Variants in PLEK observed in about 807,000 individuals in gnomAD.
The protein encoded by PLEK is platelet 47 kDa protein.
PLEK carries 25 observed loss-of-function variants against 43.9 expected under a neutral mutation model. The observed-to-expected ratio is 0.57, with a 90% CI of 0.41 to 0.79. The LOEUF (loss-of-function observed/expected upper bound fraction) is 0.79, where lower values mean the gene tolerates loss of function less well. PLEK is among the 30% of genes least tolerant of loss of function. PLEK has a pLI of 0.00. For synonymous variants in PLEK, 152 were observed against 144.4 expected (o/e 1.05, Z -0.38); for missense variants, 396 against 413.3 (o/e 0.96, Z 0.36).
intron 4 of PLEK, among the ~76,000 whole-genome samples, chr2:68,385,360 GACCAGAAGATTGCTTA>G (rs1213359996): frequency 3.9e-5 from 6 of 152,098 alleles, no homozygotes; most frequent in Non-Finnish European, 8.8e-5. Flanking sequence ...ATCATCTCTT[GACCAGAAGATTGCTTA>G]AATGACTTCT....
intron 7 of PLEK, 96 bp from the exon 8 acceptor site, chr2:68,394,011 C>A: frequency 1.3e-6 from 1 of 797,608 alleles, no homozygotes; most frequent in Non-Finnish European, 2.2e-6. Context: ...GGGCCCTGAT[C>A]TATATTAGAG....
chr2:68,370,167 G>A (rs1398636703), intron 1 of PLEK, among the ~76,000 whole-genome samples: 1 of 152,232 alleles, frequency 6.6e-6, no homozygotes, highest in Admixed American at 6.5e-5. Context: ...ATGCAGTTTT[G>A]ATCACAGTGT....
chr2:68,388,747 G>C lies in PLEK; in HGVS notation c.762+256G>C, dbSNP rs568257997. Among the ~76,000 whole-genome samples, 3 of 151,804 alleles carry C rather than the reference G, an allele frequency of 2.0e-5. No homozygotes were observed. The East Asian group carries it at 5.8e-4, about 29-fold the overall frequency. ...TCAATATCATAGGAAAAAAAAAGGT[G>C]TTTCAAGAAAAATATGGCCGGAGGA... is the stretch of plus-strand genomic sequence containing the variant. On this transcript the variant is annotated intron_variant, in intron 6 of 8. Coordinates refer to ENST00000234313, the MANE Select transcript of PLEK (RefSeq NM_002664.3).
intron 6 of PLEK, among the ~76,000 whole-genome samples, chr2:68,389,558 C>A (rs1673818640): frequency 6.6e-6 from 1 of 152,124 alleles, no homozygotes; most frequent in Non-Finnish European, 1.5e-5. Context: ...GCTGGGATAG[C>A]TGAAAGGAGG....
chr2:68,386,791 G>A (rs1447260036), intron 5 of PLEK, 105 bp downstream of exon 5: 3 of 814,266 alleles, frequency 3.7e-6, no homozygotes, highest in Non-Finnish European at 5.9e-6. Context: ...TTAGGCAGCG[G>A]GTAGGGAGGT....
intron 4 of PLEK, among the ~76,000 whole-genome samples, chr2:68,385,853 G>A (rs1673730360): frequency 6.6e-6 from 1 of 152,112 alleles, no homozygotes; most frequent in African/African-American, 2.4e-5. Flanking sequence ...CTGACTTATA[G>A]CAGAGCACTT....
rs559920562 is a variant in PLEK at position 68,379,510 on chromosome 2, C to CAAAAA, written c.43-815_43-811dup. On this transcript the variant is annotated intron_variant, in intron 1 of 8. Transcript: ENST00000234313. ...AACATGTAAAAATAAATAAAGACTT[C>CAAAAA]AAAAAAAGAAAGAACTATACTCTAA... Among the ~76,000 whole-genome samples the CAAAAA allele has an allele frequency of 1.5e-3, 227 of 150,854 alleles. 1 individual carries two copies. Among genetic ancestry groups the CAAAAA allele is most frequent in the African/African-American group, 5.4e-3 (222 of 41,078 alleles).
rs1035726394 is a variant in PLEK at position 68,365,886 on chromosome 2, C to A, written c.42+493C>A. On this transcript the variant is annotated intron_variant, in intron 1 of 8. Coordinates refer to ENST00000234313, the MANE Select transcript of PLEK (RefSeq NM_002664.3). ...TTGGGCCATCTTCTTGGAATTGACA[C>A]GTTTAAAAAAAACCTTATCTTTTTT... 2.8e-4 allele frequency among the ~76,000 whole-genome samples: 43 copies of A among 152,098 alleles called. 1 individual carries two copies. Among genetic ancestry groups the A allele is most frequent in the African/African-American group, 9.9e-4 (41 of 41,470 alleles).
chr2:68,385,105 C>T (rs1673710285), intron 4 of PLEK, among the ~76,000 whole-genome samples: 1 of 152,320 alleles, frequency 6.6e-6, no homozygotes, highest in South Asian at 2.1e-4. Context: ...TTGTAAGGAA[C>T]ACACTGCTTT....
chr2:68,366,217 C>T (rs371011529), intron 1 of PLEK, among the ~76,000 whole-genome samples: 14 of 152,194 alleles, frequency 9.2e-5, no homozygotes, highest in African/African-American at 3.4e-4. Context: ...CAGAAATGAG[C>T]TGAACGTAGT....
At chr2:68,385,152 G>A (rs964935) in intron 4 of PLEK, among the ~76,000 whole-genome samples, 121,602 of 152,090 alleles carry the variant, frequency 0.8, 49,358 homozygotes, top group African/African-American at 0.93. Flanking sequence ...ATAATAGTAC[G>A]TATTTATGGG....
chr2:68,365,873 C>T (rs534851010), intron 1 of PLEK, among the ~76,000 whole-genome samples: 1 of 152,048 alleles, frequency 6.6e-6, no homozygotes, highest in South Asian at 2.1e-4. Flanking sequence ...GGGCCATCTT[C>T]TTGGAATTGA....
At chr2:68,369,376 C>T (rs931714899) in intron 1 of PLEK, among the ~76,000 whole-genome samples, 5 of 151,952 alleles carry the variant, frequency 3.3e-5, no homozygotes, top group Non-Finnish European at 5.9e-5. Context: ...CTCGTGGGCT[C>T]GTACTGCAGT....
intron 1 of PLEK, 124 bp from the exon 2 acceptor site, chr2:68,380,204 A>C: frequency 1.4e-6 from 1 of 715,840 alleles, no homozygotes; most frequent in Non-Finnish European, 2.3e-6. Flanking sequence ...TTGAAGGAAC[A>C]GAGATGATGT....
chr2:68,375,593 T>C (rs1673486123), intron 1 of PLEK, among the ~76,000 whole-genome samples: 1 of 152,226 alleles, frequency 6.6e-6, no homozygotes, highest in Non-Finnish European at 1.5e-5. Context: ...AAAATTATTT[T>C]AGTAACTAGA....
intron 5 of PLEK, 40 bp from the exon 6 acceptor site, chr2:68,388,347 A>G (rs1416295523): frequency 3.3e-6 from 4 of 1,209,902 alleles, no homozygotes; most frequent in Admixed American, 1.7e-5. Flanking sequence ...CAATGTGCCT[A>G]AGACTGGTGA....
chr2:68,371,844 T>A (rs1673414467), intron 1 of PLEK, among the ~76,000 whole-genome samples: 1 of 152,186 alleles, frequency 6.6e-6, no homozygotes, highest in African/African-American at 2.4e-5. Flanking sequence ...TAGAGCTCCT[T>A]TTTTCCCACA....
At chr2:68,375,610 G>A (rs527247000) in intron 1 of PLEK, among the ~76,000 whole-genome samples, 3 of 152,310 alleles carry the variant, frequency 2.0e-5, no homozygotes, top group South Asian at 2.1e-4. Flanking sequence ...TAGAACAAAG[G>A]AAATGTTTGG....
intron 8 of PLEK, among the ~76,000 whole-genome samples, chr2:68,394,504 C>T (rs531566064): frequency 6.6e-6 from 1 of 151,948 alleles, no homozygotes; most frequent in East Asian, 1.9e-4. Flanking sequence ...TACTGCACTC[C>T]AGCCTGGGTG....
Sources: allele counts gnomAD v4.1 joint callset (sites outside exome capture counted in the v4.1 genomes callset), GRCh38; gene constraint gnomAD v4.1.1; transcripts MANE v1.5; gene names NCBI Gene and HGNC (gene_info 2026-07-23, HGNC 2026-07-21).